The following PTHLH variants were observed in gnomAD, a reference collection of about 807,000 sequenced individuals.
The protein encoded by PTHLH is parathyroid hormone like hormone.
PTHLH carries 5 observed loss-of-function variants against 18.6 expected under a neutral mutation model. The ratio of observed to expected loss-of-function variants is 0.27; its 90% CI spans 0.14 to 0.56. PTHLH has a LOEUF of 0.56. Among genes scored for constraint, PTHLH ranks in the 20% least tolerant of loss-of-function variants. The pLI is 0.92. For missense variants in PTHLH, 207 were observed against 223.9 expected (o/e 0.92, Z 0.48); for synonymous variants, 90 against 94.0 (o/e 0.96, Z 0.25).
At chr12:27,960,682 C>T (rs1467130003) in intron 5 of PTHLH, among the ~76,000 whole-genome samples, 1 of 146,420 alleles carries the variant, frequency 6.8e-6, no homozygotes, top group East Asian at 2.0e-4. Context: ...TACACCATCT[C>T]ACTCCAGCCT....
chr12:27,963,070 T>C, intron 5 of PTHLH: 1 of 1,318,920 alleles, frequency 7.6e-7, no homozygotes. Context: ...ATGAAATTAT[T>C]TGGTAGAGTG....
intron 5 of PTHLH, among the ~76,000 whole-genome samples, chr12:27,958,972 C>T (rs183308736): frequency 1.3e-5 from 2 of 152,212 alleles, no homozygotes; most frequent in East Asian, 3.9e-4. Context: ...AAGTTTATTC[C>T]CCAGTGACAC....
chr12:27,960,108 G>C (rs2062741419), intron 5 of PTHLH, among the ~76,000 whole-genome samples: 1 of 152,124 alleles, frequency 6.6e-6, no homozygotes, highest in South Asian at 2.1e-4. Context: ...CTTTAACAGA[G>C]GCATGTATTG....
chr12:27,963,327 C>T (rs767095241), intron 5 of PTHLH, 21 bp downstream of exon 5: 2 of 1,614,174 alleles, frequency 1.2e-6, no homozygotes, highest in East Asian at 2.2e-5. Flanking sequence ...GCTGAGGCTA[C>T]GGGCCAGAGA....
At chr12:27,965,762 G>A (rs986992077) in intron 4 of PTHLH, among the ~76,000 whole-genome samples, 1 of 152,190 alleles carries the variant, frequency 6.6e-6, no homozygotes, top group African/African-American at 2.4e-5. Context: ...TAGTATTCTG[G>A]AAACTTTTAA....
chr12:27,961,287 GTATATATATATACGTATATATATA>G (rs1482058410), intron 5 of PTHLH, among the ~76,000 whole-genome samples: 1 of 34,182 alleles, frequency 2.9e-5, no homozygotes, highest in Admixed American at 2.8e-4. Context: ...ATATATATAC[GTATATATATATACGTATATATATA>G]TATATATATA....
intron 5 of PTHLH, chr12:27,963,138 T>C (rs763044383): frequency 1.0e-4 from 148 of 1,450,134 alleles, no homozygotes; most frequent in Non-Finnish European, 1.3e-4. Flanking sequence ...AGCGCCTCTC[T>C]ATGGTGCTGG....
At chr12:27,971,599 C>T (rs1329066423) in intron 2 of PTHLH, among the ~76,000 whole-genome samples, 4 of 151,966 alleles carry the variant, frequency 2.6e-5, no homozygotes, top group African/African-American at 7.3e-5. Context: ...ACGCTGTCAC[C>T]GAGACCCTCG....
At position 27,970,187 on chromosome 12, in the gene PTHLH, G is replaced by A. The variant is rs2062856698; in HGVS notation, c.-185C>T. ...GGCGGCAGCCCCGCTTCACGGGCGG[G>A]GAGACATGCTGGCCGGGCGGCGCAG... On this transcript the variant is annotated 5_prime_UTR_variant, in exon 3 of 6. Coordinates refer to ENST00000545234, the MANE Select transcript of PTHLH (RefSeq NM_198965.2). 1 of 513,132 alleles carries A rather than the reference G, an allele frequency of 1.9e-6. No individual in the cohort carries two copies. The highest frequency in any genetic ancestry group is 2.0e-5 in the Admixed American group (1 of 51,260). 31.8% of individuals were successfully genotyped at this position (513,132 alleles called of 1,614,324 possible). A position where few individuals can be genotyped will look rare whatever the true frequency, so the allele number is the denominator to read the frequency against.
At chr12:27,965,277 G>A (rs982979342) in intron 4 of PTHLH, among the ~76,000 whole-genome samples, 9 of 152,212 alleles carry the variant, frequency 5.9e-5, no homozygotes, top group African/African-American at 9.6e-5. Flanking sequence ...CTGCCTAAGC[G>A]GAAGCTGAAG....
intron 5 of PTHLH, among the ~76,000 whole-genome samples, chr12:27,961,451 T>C (rs2062760416): frequency 6.7e-6 from 1 of 148,280 alleles, no homozygotes; most frequent in African/African-American, 2.5e-5. Flanking sequence ...TATGTTGCAA[T>C]TTATTGAATG....
intron 5 of PTHLH, among the ~76,000 whole-genome samples, chr12:27,961,309 A>ATATATG (rs1555124118): frequency 1.3e-5 from 1 of 75,354 alleles, no homozygotes; most frequent in Non-Finnish European, 3.0e-5. Flanking sequence ...ACGTATATAT[A>ATATATG]TATATATATA....
In PTHLH at chr12:27,970,388, C is replaced by G. The variant is rs541510242; in HGVS notation, c.-265-121G>C. On this transcript the variant is annotated intron_variant, in intron 2 of 5. Transcript: ENST00000545234. ...GGGGCGGGGGCGGCGACGGGCGGCC[C>G]GAACGGGCCCCGCGCCGCCCGAGCG... The G allele has an allele frequency of 6.3e-3, 938 of 148,070 alleles. 14 individuals are homozygous for G. Among genetic ancestry groups the G allele is most frequent in the East Asian group, 0.063 (322 of 5,090 alleles). 9.2% of individuals were successfully genotyped at this position (148,070 alleles called of 1,614,324 possible). A position where few individuals can be genotyped will look rare whatever the true frequency, so the allele number is the denominator to read the frequency against.
intron 2 of PTHLH, among the ~76,000 whole-genome samples, chr12:27,971,217 C>T (rs1313583100): frequency 6.6e-6 from 1 of 152,090 alleles, no homozygotes; most frequent in Non-Finnish European, 1.5e-5. Context: ...AGCCAGCGGA[C>T]AGATGCAGTG....
chr12:27,962,384 T>C lies in PTHLH; in HGVS notation c.524+964A>G, dbSNP rs546044597. On this transcript the variant is annotated intron_variant, in intron 5 of 5. Transcript: ENST00000545234. ...GATATTTAGTCCACATATAATCTCA[T>C]TTAGTTGACACCAAACTCTATGAGG... 2.1e-5 allele frequency: 5 copies of C among 238,058 alleles called. No homozygotes were observed. The East Asian group carries it at 8.9e-4, about 42-fold the overall frequency. 14.7% of individuals were successfully genotyped at this position (238,058 alleles called of 1,614,324 possible). A position where few individuals can be genotyped will look rare whatever the true frequency, so the allele number is the denominator to read the frequency against.
Position 27,963,683 on chromosome 12 carries a change from C to T in PTHLH, c.189G>A (p.Leu63=). ...DLRRRFFLHH[L]IAEIHTAEIR... ...TTTCAGCTGTGTGGATTTCTGCGATCAGATGGTGAAGGAAGAATCGTCGCC... is the reference window on the plus strand; with the variant it reads ...TTTCAGCTGTGTGGATTTCTGCGATTAGATGGTGAAGGAAGAATCGTCGCC... Residue 63 remains leucine, a synonymous_variant, in exon 5 of 6, where the codon CTG becomes CTA. Transcript: ENST00000545234. 6.2e-7 allele frequency: 1 copy of T among 1,613,546 alleles called. No individual in the cohort carries two copies. Among genetic ancestry groups the T allele is most frequent in the East Asian group, 2.2e-5 (1 of 44,874 alleles).
chr12:27,961,995 G>A (rs1396376190), intron 5 of PTHLH: 4 of 681,736 alleles, frequency 5.9e-6, no homozygotes, highest in Admixed American at 2.5e-5. Context: ...CAGAAGTGCT[G>A]TACTGAAAAG....
At position 27,958,394 on chromosome 12, in the gene PTHLH, A is replaced by C. The variant is rs1179924830; in HGVS notation, c.*165T>G. 1 of 548,866 alleles carries C rather than the reference A, an allele frequency of 1.8e-6. No individual in the cohort carries two copies. The highest frequency in any genetic ancestry group is 2.9e-6 in the Non-Finnish European group (1 of 342,354). The allele number at this position is 548,866 out of a possible 1,614,324, so 34.0% of individuals were successfully genotyped here. A position where few individuals can be genotyped will look rare whatever the true frequency, so the allele number is the denominator to read the frequency against. ...AATTGGATTAGCCTTGGCAAAAAAAAAATATTCACAATGACCAATGTGCAG... is the reference window on the plus strand; with the variant it reads ...AATTGGATTAGCCTTGGCAAAAAAACAATATTCACAATGACCAATGTGCAG... On this transcript the variant is annotated 3_prime_UTR_variant, in exon 6 of 6. Transcript: ENST00000545234.
chr12:27,959,101 G>A (rs2062734012), intron 5 of PTHLH, among the ~76,000 whole-genome samples: 1 of 152,182 alleles, frequency 6.6e-6, no homozygotes, highest in African/African-American at 2.4e-5. Context: ...ACAATTGGAA[G>A]GATGTGTAGT....
Sources: gnomAD v4.1 joint callset for allele counts (sites outside exome capture counted in the v4.1 genomes callset) on GRCh38, gnomAD v4.1.1 for gene constraint, MANE v1.5 for transcripts, NCBI Gene and HGNC (gene_info 2026-07-23, HGNC 2026-07-21) for gene names.